The following DIP2B variants were observed in gnomAD, a reference collection of about 807,000 sequenced individuals.
DIP2B encodes the protein disco-interacting protein 2 homolog B.
DIP2B carries 76 observed loss-of-function variants against 198.0 expected under a neutral mutation model. That is an observed-to-expected ratio of 0.38 (90% CI 0.32 to 0.46). The LOEUF (loss-of-function observed/expected upper bound fraction) is 0.46, where lower values mean the gene tolerates loss of function less well. Among genes scored for constraint, DIP2B ranks in the 20% least tolerant of loss-of-function variants. The pLI, the probability that DIP2B is intolerant of heterozygous loss-of-function variation, is 0.99. For missense variants in DIP2B, 1,559 were observed against 1,978.4 expected (o/e 0.79, Z 4.02); for synonymous variants, 701 against 739.1 (o/e 0.95, Z 0.84).
chr12:50,720,131 T>C (rs1939807905), intron 25 of DIP2B, among the ~76,000 whole-genome samples: 2 of 151,792 alleles, frequency 1.3e-5, no homozygotes, highest in Admixed American at 6.6e-5. Context: ...GGCTTTCACA[T>C]GTTGGTCAGG....
chr12:50,744,758 A>G lies in DIP2B; in HGVS notation c.4650A>G (p.Arg1550=), dbSNP rs1348333902. The part of the protein sequence containing the change: ...VDPGVIPINS[R]GEKQRMHLRD... ...CAGGTGTCATCCCGATCAACTCCAG[A>G]GGAGAGAAGCAGAGGATGCACCTCC... is the stretch of plus-strand genomic sequence containing the variant. Residue 1550 remains arginine, a synonymous_variant, in exon 38 of 38, where the codon AGA becomes AGG. Coordinates refer to ENST00000301180, the MANE Select transcript of DIP2B (RefSeq NM_173602.3). 1 of 1,614,162 alleles carries G rather than the reference A, an allele frequency of 6.2e-7. No individual in the cohort carries two copies. Among genetic ancestry groups the G allele is most frequent in the South Asian group, 1.1e-5 (1 of 91,082 alleles).
chr12:50,709,671 G>A (rs1480261841), intron 22 of DIP2B, among the ~76,000 whole-genome samples: 1 of 151,710 alleles, frequency 6.6e-6, no homozygotes, highest in Non-Finnish European at 1.5e-5. Context: ...GCATAGTTGT[G>A]TGCACCTGTG....
At position 50,746,759 on chromosome 12, in the gene DIP2B, T is replaced by C. The variant is rs1940346390; in HGVS notation, c.*1920T>C. The C allele has an allele frequency of 6.6e-6, 1 of 152,190 alleles. No homozygotes were observed. The highest frequency in any genetic ancestry group is 1.5e-5 in the Non-Finnish European group (1 of 68,038). The allele number at this position is 152,190 out of a possible 1,614,324, so 9.4% of individuals were successfully genotyped here. A position where few individuals can be genotyped will look rare whatever the true frequency, so the allele number is the denominator to read the frequency against. On this transcript the variant is annotated 3_prime_UTR_variant, in exon 38 of 38. Transcript: ENST00000301180. ...CAGAGAACACAGCCTGATACTTAAT[T>C]TTCTTAAAACTATTTTTAATGATCC...
At chr12:50,623,794 A>G (rs1006184263) in intron 1 of DIP2B, among the ~76,000 whole-genome samples, 2 of 152,090 alleles carry the variant, frequency 1.3e-5, no homozygotes, top group Admixed American at 1.3e-4. Flanking sequence ...CACTGCTGGC[A>G]TTTTGGGCTG....
chr12:50,716,276 T>C (rs1939712520), intron 23 of DIP2B, among the ~76,000 whole-genome samples: 1 of 137,622 alleles, frequency 7.3e-6, no homozygotes. Context: ...AGACACTTTG[T>C]AGACTAAAAC....
intron 3 of DIP2B, among the ~76,000 whole-genome samples, chr12:50,652,313 A>T (rs1477304471): frequency 7.1e-6 from 1 of 140,574 alleles, no homozygotes; most frequent in African/African-American, 2.7e-5. Flanking sequence ...ACTCTGCAAA[A>T]ATATATATAT....
chr12:50,724,945 TC>T, intron 28 of DIP2B, 59 bp downstream of exon 28: 1 of 1,518,542 alleles, frequency 6.6e-7, no homozygotes, highest in South Asian at 1.1e-5. Context: ...ACCTGAGATC[TC>T]CTCCATTCTC....
At chr12:50,611,689 A>G (rs1405066856) in intron 1 of DIP2B, among the ~76,000 whole-genome samples, 25 of 152,034 alleles carry the variant, frequency 1.6e-4, no homozygotes. Context: ...AGATCCCTTC[A>G]GTCGCTCTTT....
intron 1 of DIP2B, among the ~76,000 whole-genome samples, chr12:50,552,178 G>A (rs1193440080): frequency 6.6e-6 from 1 of 152,072 alleles, no homozygotes; most frequent in Non-Finnish European, 1.5e-5. Flanking sequence ...CTTTTCATAT[G>A]CTCATTGGCC....
chr12:50,622,903 T>A (rs1383963235), intron 1 of DIP2B, among the ~76,000 whole-genome samples: 3 of 151,924 alleles, frequency 2.0e-5, no homozygotes, highest in African/African-American at 4.8e-5. Flanking sequence ...TGAGCCACCT[T>A]GCCCAGCTAT....
At chr12:50,572,352 A>C (rs950166234) in intron 1 of DIP2B, among the ~76,000 whole-genome samples, 3 of 152,234 alleles carry the variant, frequency 2.0e-5, no homozygotes, top group African/African-American at 7.2e-5. Context: ...TATATTGTGA[A>C]GTTAAAATAT....
intron 3 of DIP2B, among the ~76,000 whole-genome samples, chr12:50,649,666 C>T (rs1938418896): frequency 6.6e-6 from 1 of 152,068 alleles, no homozygotes. Flanking sequence ...CCAGGCTGGC[C>T]AACATGGTGA....
intron 9 of DIP2B, among the ~76,000 whole-genome samples, chr12:50,682,572 T>A (rs1355747552): frequency 7.4e-6 from 1 of 134,996 alleles, no homozygotes; most frequent in Non-Finnish European, 1.5e-5. Context: ...GAGCTTGCAG[T>A]GAGCTGAGAT....
chr12:50,650,944 C>T (rs951303660), intron 3 of DIP2B, among the ~76,000 whole-genome samples: 3 of 152,136 alleles, frequency 2.0e-5, no homozygotes, highest in African/African-American at 7.2e-5. Flanking sequence ...CAAGGATTCC[C>T]ATTTCTCCAA....
intron 28 of DIP2B, among the ~76,000 whole-genome samples, chr12:50,727,108 ACT>A (rs909174193): frequency 6.6e-6 from 1 of 152,094 alleles, no homozygotes; most frequent in African/African-American, 2.4e-5. Context: ...ATAGAGCAAG[ACT>A]CTGTCTCAAA....
intron 3 of DIP2B, among the ~76,000 whole-genome samples, chr12:50,645,563 T>G (rs1247208427): frequency 6.6e-6 from 1 of 150,844 alleles, no homozygotes; most frequent in Admixed American, 6.7e-5. Flanking sequence ...GTTCAAGCAA[T>G]CTTCCTGCCT....
intron 1 of DIP2B, among the ~76,000 whole-genome samples, chr12:50,518,800 G>A (rs958777426): frequency 9.2e-5 from 14 of 152,086 alleles, no homozygotes; most frequent in Non-Finnish European, 1.5e-4. Context: ...TGTCCCCTAA[G>A]CTAGAGTGCT....
chr12:50,718,168 G>T (rs898523521), intron 23 of DIP2B, among the ~76,000 whole-genome samples: 3 of 152,116 alleles, frequency 2.0e-5, no homozygotes, highest in African/African-American at 7.2e-5. Flanking sequence ...AAAGTGCTGG[G>T]ATTACAGGCG....
intron 1 of DIP2B, among the ~76,000 whole-genome samples, chr12:50,569,488 A>G (rs1403187747): frequency 2.0e-5 from 3 of 152,244 alleles, no homozygotes; most frequent in Non-Finnish European, 4.4e-5. Context: ...TAATTCCACC[A>G]TCCTGAATTG....
Sources: allele counts gnomAD v4.1 joint callset (sites outside exome capture counted in the v4.1 genomes callset), GRCh38; gene constraint gnomAD v4.1.1; transcripts MANE v1.5; gene names NCBI Gene and HGNC (gene_info 2026-07-23, HGNC 2026-07-21).